The following WNT7B variants were observed in gnomAD, a reference collection of about 807,000 sequenced individuals.
WNT7B encodes protein Wnt-7b.
In WNT7B, 19 loss-of-function variants were observed where a neutral mutation model predicts 38.2. That is an observed-to-expected ratio of 0.50 (90% CI 0.35 to 0.73). The LOEUF (loss-of-function observed/expected upper bound fraction) is 0.73, where lower values mean the gene tolerates loss of function less well. WNT7B is among the 30% of genes least tolerant of loss of function. The pLI, the probability that WNT7B is intolerant of heterozygous loss-of-function variation, is 0.01. For missense variants in WNT7B, 423 were observed against 507.9 expected, an observed-to-expected ratio of 0.83 and a Z score of 1.61; for synonymous variants, 243 against 209.3, an observed-to-expected ratio of 1.16 and a Z score of -1.39.
intron 3 of WNT7B, chr22:45,927,273 C>A (rs1931114661): frequency 4.1e-6 from 4 of 985,398 alleles, no homozygotes; most frequent in Non-Finnish European, 4.8e-6. Context: ...CACAGGCACC[C>A]TGCGGCAGCC....
chr22:45,955,926 G>T (rs1932048947), intron 1 of WNT7B, among the ~76,000 whole-genome samples: 1 of 152,178 alleles, frequency 6.6e-6, no homozygotes, highest in Non-Finnish European at 1.5e-5. Flanking sequence ...CCGGCCCCCT[G>T]TACAAGGAGG....
intron 2 of WNT7B, among the ~76,000 whole-genome samples, chr22:45,936,959 T>A (rs908105901): frequency 2.0e-5 from 3 of 152,294 alleles, no homozygotes; most frequent in Admixed American, 6.5e-5. Flanking sequence ...CCCTGCCACT[T>A]CCTAGCGTCC....
intron 1 of WNT7B, among the ~76,000 whole-genome samples, chr22:45,950,542 C>T (rs1030514849): frequency 6.6e-6 from 1 of 152,024 alleles, no homozygotes; most frequent in Non-Finnish European, 1.5e-5. Flanking sequence ...AGCGGCAGAC[C>T]CCAACTCCCC....
rs1431203854 is a variant in WNT7B, at chr22:45,975,114, G to GACTT, written c.71+1566_71+1569dup. 6.6e-6 allele frequency among the ~76,000 whole-genome samples: 1 copy of GACTT among 152,194 alleles called. No individual in the cohort carries two copies. The highest frequency in any genetic ancestry group is 1.5e-5 in the Non-Finnish European group (1 of 68,032). On this transcript the variant is annotated intron_variant, in intron 1 of 3. Coordinates refer to ENST00000339464, the MANE Select transcript of WNT7B (RefSeq NM_058238.3). This position sits in a 1 kb window ranked among gnomAD's most constrained non-coding sequence, Gnocchi z 6.6. ...TCTGTCACTGAATTCTGAGGACAGT[G>GACTT]ACTTAGGTCCTGTGCCCAGTTTCCT...
Position 45,922,693 on chromosome 22 carries a change from C to T in WNT7B, c.*163G>A. On this transcript the variant is annotated 3_prime_UTR_variant, in exon 4 of 4. Transcript: ENST00000339464. ...CAGGAAGGAGCCCCAGGGAGGCGGGCAGAGGGCGTGGGCCCCGGCCGGTGC... is the reference window on the plus strand; with the variant it reads ...CAGGAAGGAGCCCCAGGGAGGCGGGTAGAGGGCGTGGGCCCCGGCCGGTGC... The T allele has an allele frequency of 8.5e-7, 1 of 1,173,290 alleles. No individual in the cohort carries two copies. Among genetic ancestry groups the T allele is most frequent in the East Asian group, 2.6e-5 (1 of 38,870 alleles). 72.7% of individuals were successfully genotyped at this position (1,173,290 alleles called of 1,614,324 possible).
At chr22:45,931,430 G>T (rs73444571) in intron 2 of WNT7B, 61 bp from the exon 3 acceptor site, 5 of 1,498,134 alleles carry the variant, frequency 3.3e-6, no homozygotes, top group African/African-American at 1.4e-5. Flanking sequence ...TGGGCTCAGG[G>T]GACAGGGTGC....
chr22:45,927,115 G>GTTGGTCTTGGGGGCATGGCCTC lies in WNT7B; in HGVS notation c.571-3802_571-3781dup, dbSNP rs1446206240. On this transcript the variant is annotated intron_variant, in intron 3 of 3. Transcript: ENST00000339464. ...ATGGACAATCTCTTGCCTTCACTGG[G>GTTGGTCTTGGGGGCATGGCCTC]TTGGTCTTGGGGGCATGGCCTCTGT... is the stretch of plus-strand genomic sequence containing the variant. The GTTGGTCTTGGGGGCATGGCCTC allele has an allele frequency of 5.7e-4, 560 of 985,470 alleles. 2 individuals carry two copies. The highest frequency in any genetic ancestry group is 6.4e-4 in the Non-Finnish European group (535 of 829,944). The allele number at this position is 985,470 out of a possible 1,614,324, so 61.0% of individuals were successfully genotyped here. A position where few individuals can be genotyped will look rare whatever the true frequency, so the allele number is the denominator to read the frequency against.
chr22:45,944,314 G>C (rs1481384715), intron 2 of WNT7B, among the ~76,000 whole-genome samples: 2 of 152,320 alleles, frequency 1.3e-5, no homozygotes, highest in East Asian at 3.9e-4. Context: ...CTAGCCCACA[G>C]GGCCTCCATG....
At chr22:45,971,028 G>A (rs1298801533) in intron 1 of WNT7B, among the ~76,000 whole-genome samples, 2 of 152,334 alleles carry the variant, frequency 1.3e-5, no homozygotes, top group East Asian at 3.9e-4. Context: ...TTCAAGATGC[G>A]CGACTATTTA....
In WNT7B at chr22:45,977,003, T is replaced by G. The variant is rs1932566734; in HGVS notation, c.-249A>C. Reference sequence around the variant, plus strand: ...TGGGGGCCGCGACCTCGAAGCCCGGTTGAGCGACCGTGGACCCCTGCAAGC... The same window carrying G: ...TGGGGGCCGCGACCTCGAAGCCCGGGTGAGCGACCGTGGACCCCTGCAAGC... On this transcript the variant is annotated 5_prime_UTR_variant, in exon 1 of 4. Coordinates refer to ENST00000339464, the MANE Select transcript of WNT7B (RefSeq NM_058238.3). 1.0e-6 allele frequency: 1 copy of G among 985,918 alleles called. No homozygotes were observed. The highest frequency in any genetic ancestry group is 6.2e-5 in the Admixed American group (1 of 16,180). 61.1% of individuals were successfully genotyped at this position (985,918 alleles called of 1,614,324 possible). A position where few individuals can be genotyped will look rare whatever the true frequency, so the allele number is the denominator to read the frequency against.
chr22:45,939,142 T>A (rs1931581450), intron 2 of WNT7B, among the ~76,000 whole-genome samples: 1 of 152,130 alleles, frequency 6.6e-6, no homozygotes, highest in African/African-American at 2.4e-5. Flanking sequence ...TGGGGACCCC[T>A]GTATGCTGGT....
intron 1 of WNT7B, among the ~76,000 whole-genome samples, chr22:45,963,716 C>T (rs945186933): frequency 3.3e-5 from 5 of 152,220 alleles, no homozygotes; most frequent in African/African-American, 9.6e-5. Context: ...CCGTGGAAGG[C>T]GGTAAGTGGA....
At chr22:45,971,775 G>A (rs991756710) in intron 1 of WNT7B, among the ~76,000 whole-genome samples, 5 of 152,320 alleles carry the variant, frequency 3.3e-5, no homozygotes, top group East Asian at 1.9e-4. Flanking sequence ...CGCGCCGCGT[G>A]GGTTAATATG....
chr22:45,954,788 C>T (rs1932022140), intron 1 of WNT7B: 1 of 984,898 alleles, frequency 1.0e-6, no homozygotes. Context: ...ATACCAAGTG[C>T]TCCCATTCTG....
At chr22:45,926,794 G>A in intron 3 of WNT7B, 1 of 985,408 alleles carries the variant, frequency 1.0e-6, no homozygotes. Flanking sequence ...ACTGAATGTG[G>A]CCTCGAGTGA....
At chr22:45,952,476 G>C (rs1026921694) in intron 1 of WNT7B, among the ~76,000 whole-genome samples, 5 of 152,230 alleles carry the variant, frequency 3.3e-5, no homozygotes, top group Non-Finnish European at 7.3e-5. Context: ...GCTGGGAGCG[G>C]GCTGGAATCT....
chr22:45,926,828 G>A (rs76061800), intron 3 of WNT7B: 42,715 of 985,366 alleles, frequency 0.043, 1,462 homozygotes, highest in Admixed American at 0.15. Flanking sequence ...GCCACTGGCC[G>A]AGAAGGAGAG....
intron 2 of WNT7B, among the ~76,000 whole-genome samples, chr22:45,942,417 C>A (rs1356325067): frequency 6.6e-6 from 1 of 152,234 alleles, no homozygotes; most frequent in Non-Finnish European, 1.5e-5. Context: ...GATCTGCATC[C>A]CTGACACACA....
At chr22:45,972,116 G>GGGGGGGGGGGC in intron 1 of WNT7B, 4 of 530,734 alleles carry the variant, frequency 7.5e-6, no homozygotes, top group Non-Finnish European at 1.3e-5. Context: ...CCCGGGGGGA[G>GGGGGGGGGGGC]CCCACCCGCC....
Sources: allele counts gnomAD v4.1 joint callset (sites outside exome capture counted in the v4.1 genomes callset), GRCh38; gene constraint gnomAD v4.1.1; non-coding constraint Gnocchi (gnomAD v3.1); transcripts MANE v1.5; gene names NCBI Gene and HGNC (gene_info 2026-07-23, HGNC 2026-07-21).